The following CCDC150 variants were observed in gnomAD, a reference collection of about 807,000 sequenced individuals.
CCDC150 encodes the protein coiled-coil domain-containing protein 150.
CCDC150 carries 151 observed loss-of-function variants against 156.5 expected under a neutral mutation model. The ratio of observed to expected loss-of-function variants is 0.97; its 90% CI spans 0.85 to 1.10. The LOEUF (loss-of-function observed/expected upper bound fraction) is 1.10, where lower values mean the gene tolerates loss of function less well. Among genes scored for constraint, CCDC150 ranks in the 50% least tolerant of loss-of-function variants. The probability of loss-of-function intolerance (pLI) is 0.00; values close to 1 mark genes in which losing one functional copy is unlikely to be tolerated. For missense variants in CCDC150, 1,312 were observed against 1,268.1 expected (o/e 1.03, Z -0.53); for synonymous variants, 452 against 429.4 (o/e 1.05, Z -0.65).
intron 10 of CCDC150, among the ~76,000 whole-genome samples, chr2:196,675,621 T>G (rs952638162): frequency 6.1e-5 from 5 of 82,374 alleles, no homozygotes; most frequent in African/African-American, 1.7e-4. Flanking sequence ...AAAACAGTTA[T>G]AGTGCTTCTG....
In CCDC150 at chr2:196,639,737, C is replaced by G; in HGVS notation, c.-30C>G. On this transcript the variant is annotated 5_prime_UTR_variant, in exon 1 of 28. Coordinates refer to ENST00000389175, the MANE Select transcript of CCDC150 (RefSeq NM_001080539.2). Reference sequence around the variant, plus strand: ...GTTAGTTCCACGGAAACCCGCTCGCCTGCTGCAGTACGGAGCCTCAGGCGG... The same window carrying G: ...GTTAGTTCCACGGAAACCCGCTCGCGTGCTGCAGTACGGAGCCTCAGGCGG... The G allele has an allele frequency of 1.3e-6, 2 of 1,542,364 alleles. No homozygotes were observed. The highest frequency in any genetic ancestry group is 2.5e-5 in the South Asian group (2 of 81,082).
chr2:196,730,717 A>T, intron 25 of CCDC150, 142 bp from the exon 26 acceptor site: 1 of 629,866 alleles, frequency 1.6e-6, no homozygotes. Context: ...AACAGTTTTT[A>T]TCTCATATGT....
intron 15 of CCDC150, among the ~76,000 whole-genome samples, chr2:196,711,594 G>C (rs537085203): frequency 1.3e-5 from 2 of 152,224 alleles, no homozygotes; most frequent in East Asian, 3.9e-4. Context: ...TTTGAAGAGA[G>C]ACTTGTGAGT....
At chr2:196,639,824 G>A in intron 1 of CCDC150, 46 bp downstream of exon 1, 1 of 1,539,296 alleles carries the variant, frequency 6.5e-7, no homozygotes, top group Non-Finnish European at 8.8e-7. Flanking sequence ...TCGGAGGCTC[G>A]CGAGGCTTCG....
chr2:196,676,799 A>G (rs1694532664), intron 12 of CCDC150, 68 bp downstream of exon 12: 5 of 1,357,034 alleles, frequency 3.7e-6, no homozygotes, highest in Non-Finnish European at 5.1e-6. Flanking sequence ...TGCATTCTAA[A>G]TGCAAAAGAC....
intron 18 of CCDC150, chr2:196,719,210 C>T (rs192950942): frequency 3.4e-4 from 76 of 224,568 alleles, no homozygotes; most frequent in African/African-American, 1.2e-3. Flanking sequence ...CACCTCTGGA[C>T]GCAGGTTGTG....
intron 21 of CCDC150, among the ~76,000 whole-genome samples, chr2:196,721,961 A>G (rs530069728): frequency 1.8e-4 from 28 of 152,188 alleles, no homozygotes; most frequent in South Asian, 2.1e-4. Context: ...CAAAACTTAA[A>G]GAATATTGAT....
chr2:196,731,058 A>G, intron 26 of CCDC150, 113 bp downstream of exon 26: 1 of 693,142 alleles, frequency 1.4e-6, no homozygotes, highest in Non-Finnish European at 2.4e-6. Context: ...GGAATGCAAC[A>G]GGGAAGAACG....
Position 196,720,661 on chromosome 2 carries a change from A to G in CCDC150, c.2252A>G (p.Asn751Ser), listed in dbSNP as rs762419818. 30 of 1,613,320 alleles carry G rather than the reference A, an allele frequency of 1.9e-5. No individual in the cohort carries two copies. The highest frequency in any genetic ancestry group is 2.4e-5 in the Non-Finnish European group (28 of 1,179,576). ...ATGCTTGTCATGGAGGACCAGCACA[A>G]CAGTGAGGTTGGAGCCAGGCTTTAA... ...ARMLVMEDQH[N>S]SEIESLQKAL... Residue 751 changes from asparagine (N) to serine (S), a missense_variant, in exon 20 of 28, where the codon AAC (asparagine) becomes AGC (serine). By Grantham distance (46) the Asn-to-Ser change is conservative. Coordinates refer to ENST00000389175, the MANE Select transcript of CCDC150 (RefSeq NM_001080539.2).
intron 13 of CCDC150, among the ~76,000 whole-genome samples, chr2:196,692,565 CCT>C (rs1695557075): frequency 6.6e-6 from 1 of 152,142 alleles, no homozygotes; most frequent in Non-Finnish European, 1.5e-5. Flanking sequence ...TTGAATTTTG[CCT>C]TAATTTCATT....
chr2:196,692,759 A>C (rs551477002), intron 13 of CCDC150, among the ~76,000 whole-genome samples: 3 of 152,308 alleles, frequency 2.0e-5, no homozygotes, highest in Admixed American at 6.5e-5. Flanking sequence ...TCAATTTTAG[A>C]GTAAGTGCCA....
chr2:196,646,806 G>A (rs1692571359), intron 2 of CCDC150, among the ~76,000 whole-genome samples: 2 of 123,328 alleles, frequency 1.6e-5, no homozygotes, highest in Admixed American at 1.9e-4. Context: ...AAAAAGATTT[G>A]TTCTCATTTT....
chr2:196,648,003 T>A (rs1309189081), intron 2 of CCDC150, among the ~76,000 whole-genome samples: 2 of 152,160 alleles, frequency 1.3e-5, no homozygotes, highest in Non-Finnish European at 2.9e-5. Context: ...AGTAAAATCA[T>A]GCTATTTGTT....
chr2:196,658,247 A>G (rs1693340026), intron 4 of CCDC150, among the ~76,000 whole-genome samples: 1 of 152,078 alleles, frequency 6.6e-6, no homozygotes, highest in African/African-American at 2.4e-5. Flanking sequence ...GGAAAGAGGA[A>G]TGTTCTGTAA....
Position 196,729,396 on chromosome 2 carries a change from G to T in CCDC150, c.2751+9G>T. On this transcript the variant is annotated intron_variant, in intron 23 of 27. Coordinates refer to ENST00000389175, the MANE Select transcript of CCDC150 (RefSeq NM_001080539.2). Reference sequence around the variant, plus strand: ...ATATAGAAAGGATGAAGGTTGTATGGGAAACCTCTTCTCACTTCCTGGATA... The same window carrying T: ...ATATAGAAAGGATGAAGGTTGTATGTGAAACCTCTTCTCACTTCCTGGATA... 6.2e-7 allele frequency: 1 copy of T among 1,612,842 alleles called. No homozygotes were observed. The highest frequency in any genetic ancestry group is 1.1e-5 in the South Asian group (1 of 90,970).
chr2:196,652,942 A>G (rs1398991194), intron 2 of CCDC150, among the ~76,000 whole-genome samples: 1 of 152,210 alleles, frequency 6.6e-6, no homozygotes, highest in Admixed American at 6.5e-5. Flanking sequence ...CCTGAGCTGT[A>G]TCTGGGGCCC....
intron 13 of CCDC150, among the ~76,000 whole-genome samples, chr2:196,693,925 CG>C (rs1695644755): frequency 6.6e-6 from 1 of 151,932 alleles, no homozygotes; most frequent in Non-Finnish European, 1.5e-5. Flanking sequence ...TCTATTGAAA[CG>C]GTGTATTATA....
At chr2:196,662,591 C>T (rs1693620753) in intron 5 of CCDC150, among the ~76,000 whole-genome samples, 1 of 152,162 alleles carries the variant, frequency 6.6e-6, no homozygotes, top group Admixed American at 6.5e-5. Flanking sequence ...ACCCACTGCC[C>T]ACCTGCTGCT....
At chr2:196,722,297 A>T (rs1158679650) in intron 21 of CCDC150, among the ~76,000 whole-genome samples, 1 of 152,132 alleles carries the variant, frequency 6.6e-6, no homozygotes, top group East Asian at 1.9e-4. Context: ...TTTATCTGAG[A>T]CTGGGTCTCG....
Sources: allele counts gnomAD v4.1 joint callset (sites outside exome capture counted in the v4.1 genomes callset), GRCh38; gene constraint gnomAD v4.1.1; transcripts MANE v1.5; gene names NCBI Gene and HGNC (gene_info 2026-07-23, HGNC 2026-07-21).